KIF26B: variants seen among roughly 807,000 people sequenced by gnomAD.
KIF26B encodes kinesin-like protein KIF26B.
In KIF26B, 63 loss-of-function variants were observed where a neutral mutation model predicts 151.2. The ratio of observed to expected loss-of-function variants is 0.42; its 90% CI spans 0.34 to 0.51. The LOEUF (loss-of-function observed/expected upper bound fraction) is 0.51. Among genes scored for constraint, KIF26B ranks in the 20% least tolerant of loss-of-function variants. The pLI is 0.07. For synonymous variants in KIF26B, 1,357 were observed against 1,262.1 expected (o/e 1.08, Z -1.59); for missense variants, 2,813 against 2,913.6 (o/e 0.97, Z 0.79).
chr1:245,224,772 G>A (rs1234156800), intron 2 of KIF26B, among the ~76,000 whole-genome samples: 1 of 152,158 alleles, frequency 6.6e-6, no homozygotes, highest in Admixed American at 6.5e-5. Context: ...GTTATACACA[G>A]GTAAAAGTTC....
intron 4 of KIF26B, among the ~76,000 whole-genome samples, chr1:245,422,051 G>C (rs1658501005): frequency 6.6e-6 from 1 of 152,118 alleles, no homozygotes; most frequent in Non-Finnish European, 1.5e-5. Flanking sequence ...ACAAAGACTT[G>C]AAACTCATGA....
At chr1:245,607,814 C>A in intron 7 of KIF26B, 70 bp downstream of exon 7, 1 of 1,220,576 alleles carries the variant, frequency 8.2e-7, no homozygotes, top group Non-Finnish European at 1.2e-6. Context: ...CCTCTGTCTC[C>A]CTCCCAGAGT....
chr1:245,452,074 G>A (rs999162413), intron 4 of KIF26B, among the ~76,000 whole-genome samples: 5 of 152,022 alleles, frequency 3.3e-5, no homozygotes, highest in Admixed American at 2.6e-4. Flanking sequence ...AACAATCTCT[G>A]TAACCATTAA....
chr1:245,292,014 C>T (rs1671260953), intron 2 of KIF26B, among the ~76,000 whole-genome samples: 1 of 152,164 alleles, frequency 6.6e-6, no homozygotes, highest in Non-Finnish European at 1.5e-5. Flanking sequence ...TGAAGGGTTA[C>T]AGACACAGGG....
At chr1:245,562,055 C>A (rs1240050398) in intron 5 of KIF26B, among the ~76,000 whole-genome samples, 2 of 152,116 alleles carry the variant, frequency 1.3e-5, no homozygotes, top group East Asian at 3.9e-4. Context: ...GGGGCATCTT[C>A]AGTGTGTGCA....
At chr1:245,590,331 C>T (rs1446648123) in intron 5 of KIF26B, among the ~76,000 whole-genome samples, 2 of 152,194 alleles carry the variant, frequency 1.3e-5, no homozygotes, top group African/African-American at 4.8e-5. Flanking sequence ...GGACGGCCAA[C>T]GCGGAAATGG....
intron 3 of KIF26B, among the ~76,000 whole-genome samples, chr1:245,382,812 CCCT>C (rs1673443993): frequency 6.6e-6 from 1 of 151,944 alleles, no homozygotes; most frequent in South Asian, 2.1e-4. Context: ...AGGTGATCCA[CCCT>C]CCTCGGCCTC....
intron 5 of KIF26B, among the ~76,000 whole-genome samples, chr1:245,562,347 C>G (rs2042964688): frequency 6.6e-6 from 1 of 152,130 alleles, no homozygotes; most frequent in African/African-American, 2.4e-5. Context: ...GTTATACTTT[C>G]AATATAGGAG....
chr1:245,212,089 C>T (rs1318570642), intron 2 of KIF26B, among the ~76,000 whole-genome samples: 2 of 152,198 alleles, frequency 1.3e-5, no homozygotes, highest in Non-Finnish European at 2.9e-5. Context: ...CCCCCAGACC[C>T]TTCCCGACAA....
intron 2 of KIF26B, among the ~76,000 whole-genome samples, chr1:245,313,594 G>A (rs550979494): frequency 2.6e-5 from 4 of 152,292 alleles, no homozygotes; most frequent in East Asian, 1.9e-4. Flanking sequence ...AGGTCTGAGC[G>A]GTCAAAAGAT....
chr1:245,210,343 C>T (rs1431528736), intron 2 of KIF26B, among the ~76,000 whole-genome samples: 5 of 152,192 alleles, frequency 3.3e-5, no homozygotes, highest in Non-Finnish European at 7.3e-5. Flanking sequence ...CCGCACAGGC[C>T]CACTCTGCAG....
At chr1:245,673,843 T>A (rs1002057254) in intron 10 of KIF26B, 1 of 152,190 alleles carries the variant, frequency 6.6e-6, no homozygotes, top group Non-Finnish European at 1.5e-5. Context: ...CAGGATTTCA[T>A]TATATCCAGA....
chr1:245,510,877 T>C (rs766039320), intron 4 of KIF26B: 14 of 576,638 alleles, frequency 2.4e-5, no homozygotes, highest in Non-Finnish European at 4.3e-5. Flanking sequence ...GCCAGGATCA[T>C]GGTTTAGCCA....
At chr1:245,157,733 G>T (rs74675285) in intron 2 of KIF26B, among the ~76,000 whole-genome samples, 3,745 of 152,318 alleles carry the variant, frequency 0.025, 140 homozygotes, top group African/African-American at 0.084. Context: ...ACTCGTGGAT[G>T]GTTGTCAGTG....
intron 2 of KIF26B, among the ~76,000 whole-genome samples, chr1:245,259,060 T>C (rs1670588675): frequency 6.6e-6 from 1 of 152,176 alleles, no homozygotes; most frequent in Non-Finnish European, 1.5e-5. Context: ...TGGGAGATGT[T>C]AGACCTCAAG....
At chr1:245,457,417 C>A (rs1659560218) in intron 4 of KIF26B, among the ~76,000 whole-genome samples, 2 of 152,112 alleles carry the variant, frequency 1.3e-5, no homozygotes, top group African/African-American at 4.8e-5. Context: ...AAGGACAGCT[C>A]AGAGGTATTT....
intron 2 of KIF26B, among the ~76,000 whole-genome samples, chr1:245,330,260 G>C (rs1056170337): frequency 2.7e-5 from 4 of 149,322 alleles, no homozygotes; most frequent in African/African-American, 9.9e-5. Context: ...GCCAGGAGGG[G>C]CTGCAGAGCG....
chr1:245,463,629 C>T (rs1659702238), intron 4 of KIF26B, among the ~76,000 whole-genome samples: 1 of 152,216 alleles, frequency 6.6e-6, no homozygotes, highest in African/African-American at 2.4e-5. Flanking sequence ...TTAATACCCA[C>T]TTGTCCCACG....
chr1:245,297,027 A>G (rs567418731), intron 2 of KIF26B, among the ~76,000 whole-genome samples: 9 of 152,320 alleles, frequency 5.9e-5, no homozygotes, highest in African/African-American at 2.2e-4. Flanking sequence ...TCAGCTCTGG[A>G]GATTTTATTT....
Sources: allele counts gnomAD v4.1 joint callset (sites outside exome capture counted in the v4.1 genomes callset), GRCh38; gene constraint gnomAD v4.1.1; transcripts MANE v1.5; gene names NCBI Gene and HGNC (gene_info 2026-07-23, HGNC 2026-07-21).